Variants in SEMA3B observed in about 807,000 individuals in gnomAD.
SEMA3B encodes the protein semaphorin-3B.
SEMA3B carries 71 observed loss-of-function variants against 77.8 expected under a neutral mutation model. That is an observed-to-expected ratio of 0.91 (90% CI 0.75 to 1.11). The LOEUF is 1.11. Ranked by LOEUF, SEMA3B falls within the 50% of genes most tolerant of loss-of-function variation. The pLI, the probability that SEMA3B is intolerant of heterozygous loss-of-function variation, is 0.00. For missense variants in SEMA3B, 968 were observed against 1,056.8 expected (o/e 0.92, Z 1.17); for synonymous variants, 470 against 452.9 (o/e 1.04, Z -0.48).
rs1238162360 is a variant in SEMA3B, at chr3:50,276,655, C to A, written c.2199C>A (p.His733Gln). ...GAAAGGGCCGTAACCGGAGGACCCA[C>A]GCCCCTGAGCCTCGCGCTGAGCGGG... ...SRRKGRNRRT[H>Q]APEPRAERGP... Residue 733 changes from histidine (H) to glutamine (Q), a missense_variant, in exon 17 of 17, where the codon CAC (histidine) becomes CAA (glutamine). His to Gln is a conservative substitution (Grantham distance 24). Coordinates refer to ENST00000616701, the MANE Select transcript of SEMA3B (RefSeq NM_001290060.2). The surrounding 1 kb of genome is among the most constrained non-coding windows in gnomAD (Gnocchi z 5.8). The A allele has an allele frequency of 5.0e-6, 8 of 1,586,766 alleles. 1 individual carries two copies. The African/African-American group carries it at 9.5e-5, about 19-fold the overall frequency.
chr3:50,275,433 C>T lies in SEMA3B; in HGVS notation c.1623C>T (p.Cys541=), dbSNP rs782054798. 3 of 1,605,386 alleles carry T rather than the reference C, an allele frequency of 1.9e-6. No homozygotes were observed. Among genetic ancestry groups the T allele is most frequent in the South Asian group, 2.2e-5 (2 of 90,370 alleles). The change falls in exon 14 of 17, where the codon TGC becomes TGT. Residue 541 remains cysteine (C), a synonymous_variant. Transcript: ENST00000616701. The surrounding 1 kb of genome is among the most constrained non-coding windows in gnomAD (Gnocchi z 7.5). Reference sequence around the variant, plus strand: ...ACTGCGCCTGGGACGGGGTCGCGTGCACGCGCTTCCAGCCCAGTGCCAAGA... The same window carrying T: ...ACTGCGCCTGGGACGGGGTCGCGTGTACGCGCTTCCAGCCCAGTGCCAAGA... ...DPYCAWDGVA[C]TRFQPSAKRR...
chr3:50,269,180 G>T lies in SEMA3B; in HGVS notation c.-61G>T. On this transcript the variant is annotated 5_prime_UTR_variant, in exon 1 of 17. Coordinates refer to ENST00000616701, the MANE Select transcript of SEMA3B (RefSeq NM_001290060.2). This position sits in a 1 kb window ranked among gnomAD's most constrained non-coding sequence, Gnocchi z 4.0. ...TTCCAGATCCTGGGGCAGAGTCCAG[G>T]GCAGCTCAAGGCTCCTCCACACACA... 1 of 1,244,010 alleles carries T rather than the reference G, an allele frequency of 8.0e-7. No homozygotes were observed. The highest frequency in any genetic ancestry group is 1.3e-5 in the South Asian group (1 of 77,866). 77.1% of individuals were successfully genotyped at this position (1,244,010 alleles called of 1,614,324 possible). A position where few individuals can be genotyped will look rare whatever the true frequency, so the allele number is the denominator to read the frequency against.
rs1701249777 is a variant in SEMA3B at position 50,276,424 on chromosome 3, T to G, written c.1968T>G (p.Arg656=). The change falls in exon 17 of 17, where the codon CGT becomes CGG. Residue 656 remains arginine, a synonymous_variant. Transcript: ENST00000616701. The surrounding 1 kb of genome is among the most constrained non-coding windows in gnomAD (Gnocchi z 5.8). ...AVEQGFTQPL[R]RLSLHVLSAT... Reference sequence around the variant, plus strand: ...AGCAGGGCTTTACGCAACCGCTGCGTCGCCTGTCGCTGCACGTGTTGAGTG... The same window carrying G: ...AGCAGGGCTTTACGCAACCGCTGCGGCGCCTGTCGCTGCACGTGTTGAGTG... 1 of 1,536,296 alleles carries G rather than the reference T, an allele frequency of 6.5e-7. No homozygotes were observed. Among genetic ancestry groups the G allele is most frequent in the African/African-American group, 1.4e-5 (1 of 72,862 alleles).
rs1470747626 is a variant in SEMA3B at position 50,273,896 on chromosome 3, C to T, written c.993-17C>T. The stretch of plus-strand genomic sequence containing the variant: ...GCTCCACCCGGCCCCTCACCTCGCC[C>T]TGGTCTTCGCCTCCAGCAGCATCTT... On this transcript the variant is annotated splice_polypyrimidine_tract_variant and intron_variant, in intron 9 of 16. Coordinates refer to ENST00000616701, the MANE Select transcript of SEMA3B (RefSeq NM_001290060.2). The surrounding 1 kb of genome is among the most constrained non-coding windows in gnomAD (Gnocchi z 6.5). 39 of 1,591,306 alleles carry T rather than the reference C, an allele frequency of 2.5e-5. 3 individuals carry two copies.
In SEMA3B at chr3:50,270,022, G is replaced by A; in HGVS notation, c.110-105G>A. The A allele has an allele frequency of 2.4e-6, 3 of 1,260,322 alleles. No individual in the cohort carries two copies. Among genetic ancestry groups the A allele is most frequent in the Non-Finnish European group, 3.2e-6 (3 of 935,998 alleles). 78.1% of individuals were successfully genotyped at this position (1,260,322 alleles called of 1,614,324 possible). Reference sequence around the variant, plus strand: ...CACATGTAAACTCACATGTGTACAGGCCAGGTCCTAATGGCAACCTTGGCC... The same window carrying A: ...CACATGTAAACTCACATGTGTACAGACCAGGTCCTAATGGCAACCTTGGCC... On this transcript the variant is annotated intron_variant, in intron 1 of 16. Transcript: ENST00000616701. This position sits in a 1 kb window ranked among gnomAD's most constrained non-coding sequence, Gnocchi z 4.7.
At chr3:50,271,618 A>G in intron 6 of SEMA3B, 138 bp downstream of exon 6, 1 of 1,239,584 alleles carries the variant, frequency 8.1e-7, no homozygotes, top group East Asian at 2.6e-5. Flanking sequence ...CACTGGCGTC[A>G]CAGAGACAGA....
In SEMA3B at chr3:50,270,281, G is replaced by A. The variant is rs587698730; in HGVS notation, c.264G>A (p.Lys88=). 4 of 1,613,358 alleles carry A rather than the reference G, an allele frequency of 2.5e-6. No individual in the cohort carries two copies. The highest frequency in any genetic ancestry group is 1.7e-5 in the Admixed American group (1 of 59,968). ...LNLDNISKRA[K]KLAWPAPVEW... is the part of the protein sequence containing the mutation. Reference sequence around the variant, plus strand: ...TGGACAACATCAGCAAGCGGGCCAAGAAGGTGCCAGGGACTCCCAACCCCA... The same window carrying A: ...TGGACAACATCAGCAAGCGGGCCAAAAAGGTGCCAGGGACTCCCAACCCCA... The change falls in exon 2 of 17, where the codon AAG becomes AAA. Residue 88 remains lysine, a synonymous_variant. Transcript: ENST00000616701. This position sits in a 1 kb window ranked among gnomAD's most constrained non-coding sequence, Gnocchi z 4.7.
rs1553706618 is a variant in SEMA3B at position 50,276,053 on chromosome 3, C to T, written c.1845+209C>T. The stretch of plus-strand genomic sequence containing the variant: ...CCTCCCCTGAATCAAGGAGAAGACC[C>T]GCCCTCGACCCTCCCATTAAGGTCC... On this transcript the variant is annotated intron_variant, in intron 16 of 16. Coordinates refer to ENST00000616701, the MANE Select transcript of SEMA3B (RefSeq NM_001290060.2). The surrounding 1 kb of genome is among the most constrained non-coding windows in gnomAD (Gnocchi z 5.8). 3 of 819,338 alleles carry T rather than the reference C, an allele frequency of 3.7e-6. No homozygotes were observed. The highest frequency in any genetic ancestry group is 3.1e-5 in the Admixed American group (1 of 32,204). 50.8% of individuals were successfully genotyped at this position (819,338 alleles called of 1,614,324 possible).
upstream of SEMA3B, among the ~76,000 whole-genome samples, chr3:50,264,761 G>C (rs1453781139): frequency 6.6e-6 from 1 of 152,190 alleles, no homozygotes; most frequent in African/African-American, 2.4e-5. Context: ...GAGGAGGGAG[G>C]GAGAGGGAGG....
chr3:50,271,154 A>C lies in SEMA3B; in HGVS notation c.517A>C (p.Arg173=). 6.3e-7 allele frequency: 1 copy of C among 1,581,940 alleles called. No homozygotes were observed. Among genetic ancestry groups the C allele is most frequent in the African/African-American group, 1.3e-5 (1 of 74,390 alleles). Residue 173 remains arginine (R), a synonymous_variant, in exon 5 of 17, where the codon AGG becomes CGG. Transcript: ENST00000616701. The part of the protein sequence containing the change: ...DGKGKSPYDP[R]HRAASVLVGE... ...CAAGGGGAAGAGTCCTTATGACCCC[A>C]GGCATCGGGCTGCCTCCGTGCTGGT...
Position 50,275,784 on chromosome 3 carries a change from C to T in SEMA3B, c.1785C>T (p.Arg595=). The change falls in exon 16 of 17, where the codon CGC becomes CGT. Residue 595 remains arginine (R), a synonymous_variant. Coordinates refer to ENST00000616701, the MANE Select transcript of SEMA3B (RefSeq NM_001290060.2). The surrounding 1 kb of genome is among the most constrained non-coding windows in gnomAD (Gnocchi z 7.5). ...GSSAFLECEP[R]SLQARVEWTF... The stretch of plus-strand genomic sequence containing the variant: ...GCGCCTTTCTGGAGTGTGAGCCCCG[C>T]TCGCTGCAGGCGCGCGTGGAGTGGA... The T allele has an allele frequency of 6.2e-7, 1 of 1,612,666 alleles. No homozygotes were observed. The highest frequency in any genetic ancestry group is 1.3e-5 in the African/African-American group (1 of 75,042).
chr3:50,266,509 C>T (rs587600836), upstream of SEMA3B: 1 of 152,430 alleles, frequency 6.6e-6, no homozygotes, highest in Non-Finnish European at 1.5e-5. Flanking sequence ...CCCCCCACCT[C>T]TGTCCTTGCT....
chr3:50,269,485 T>C lies in SEMA3B; in HGVS notation c.109+136T>C. 1 of 602,644 alleles carries C rather than the reference T, an allele frequency of 1.7e-6. No individual in the cohort carries two copies. Among genetic ancestry groups the C allele is most frequent in the Non-Finnish European group, 2.9e-6 (1 of 346,444 alleles). The allele number at this position is 602,644 out of a possible 1,614,324, so 37.3% of individuals were successfully genotyped here. A position where few individuals can be genotyped will look rare whatever the true frequency, so the allele number is the denominator to read the frequency against. ...AGACTCTGGTAGGATTAGTGGGCAC[T>C]CTCAGGCCACCTCCAGTTAACCCTG... On this transcript the variant is annotated intron_variant, in intron 1 of 16. Coordinates refer to ENST00000616701, the MANE Select transcript of SEMA3B (RefSeq NM_001290060.2). This position sits in a 1 kb window ranked among gnomAD's most constrained non-coding sequence, Gnocchi z 4.0.
chr3:50,273,782 C>G lies in SEMA3B; in HGVS notation c.946C>G (p.Arg316Gly), dbSNP rs1553705892. The change falls in exon 9 of 17, where the codon CGG (arginine) becomes GGG (glycine). Residue 316 changes from arginine to glycine, a missense_variant. Physicochemically the swap from Arg to Gly is moderately radical, Grantham distance 125. Transcript: ENST00000616701. This position sits in a 1 kb window ranked among gnomAD's most constrained non-coding sequence, Gnocchi z 6.5. ...AGAGGATGTGTTTCTGTTGTCCTCG[C>G]GGGACCACCGGACCCCGCTGCTCTA... The part of the protein sequence containing the change: ...QLQDVFLLSS[R>G]DHRTPLLYAV... The G allele has an allele frequency of 6.3e-7, 1 of 1,593,896 alleles. No homozygotes were observed. The highest frequency in any genetic ancestry group is 1.1e-5 in the South Asian group (1 of 89,076).
upstream of SEMA3B, among the ~76,000 whole-genome samples, chr3:50,264,168 C>T (rs1700865921): frequency 6.6e-6 from 1 of 151,998 alleles, no homozygotes; most frequent in Non-Finnish European, 1.5e-5. Context: ...CATGATCCCA[C>T]CACTGCACTC....
Position 50,275,936 on chromosome 3 carries a change from C to T in SEMA3B, c.1845+92C>T. ...CCTACCCAACGAAGCCCCGTCCAAC[C>T]AGACCCACTCCCCGCCCTGTCCAGT... is the stretch of plus-strand genomic sequence containing the variant. On this transcript the variant is annotated intron_variant, in intron 16 of 16. Coordinates refer to ENST00000616701, the MANE Select transcript of SEMA3B (RefSeq NM_001290060.2). This position sits in a 1 kb window ranked among gnomAD's most constrained non-coding sequence, Gnocchi z 7.5. 2 of 1,435,940 alleles carry T rather than the reference C, an allele frequency of 1.4e-6. No individual in the cohort carries two copies. Among genetic ancestry groups the T allele is most frequent in the Non-Finnish European group, 1.8e-6 (2 of 1,087,500 alleles). The allele number at this position is 1,435,940 out of a possible 1,614,324, so 88.9% of individuals were successfully genotyped here. A position where few individuals can be genotyped will look rare whatever the true frequency, so the allele number is the denominator to read the frequency against.
At position 50,274,919 on chromosome 3, in the gene SEMA3B, G is replaced by C; in HGVS notation, c.1434G>C (p.Glu478Asp). Residue 478 changes from glutamate (E) to aspartate (D), a missense_variant, in exon 12 of 17, where the codon GAG becomes GAC. Transcript: ENST00000616701. This position sits in a 1 kb window ranked among gnomAD's most constrained non-coding sequence, Gnocchi z 4.7. ...GCGCAGAGGGGCTGCTCCTGGAGGA[G>C]CTGCACGTGTTTGAGGTGAGGCCTC... ...RPSAEGLLLEELHVFEDSAAV... is the reference protein window; with the variant it reads ...RPSAEGLLLEDLHVFEDSAAV... 6.2e-7 allele frequency: 1 copy of C among 1,609,976 alleles called. No homozygotes were observed. The highest frequency in any genetic ancestry group is 8.5e-7 in the Non-Finnish European group (1 of 1,179,420).
At position 50,271,101 on chromosome 3, in the gene SEMA3B, G is replaced by A. The variant is rs782306218; in HGVS notation, c.464G>A (p.Arg155Gln). 3.5e-5 allele frequency: 55 copies of A among 1,581,664 alleles called. No homozygotes were observed. The highest frequency in any genetic ancestry group is 4.4e-5 in the Non-Finnish European group (51 of 1,163,934). The change falls in exon 5 of 17, where the codon CGG becomes CAG. Residue 155 changes from arginine (R) to glutamine (Q), a missense_variant. Physicochemically the swap from Arg to Gln is conservative, Grantham distance 43. Transcript: ENST00000616701. ...VGHRAEEPVL[R>Q]LDPGRIEDGK... ...CACACCTCCCAGGAGCCCGTCCTCC[G>A]GCTGGACCCAGGAAGGATAGAGGAT...
Position 50,274,454 on chromosome 3 carries a change from A to T in SEMA3B, c.1229A>T (p.Asn410Ile). The T allele has an allele frequency of 6.5e-7, 1 of 1,541,278 alleles. No individual in the cohort carries two copies. The highest frequency in any genetic ancestry group is 8.7e-7 in the Non-Finnish European group (1 of 1,145,890). The change falls in exon 11 of 17, where the codon AAC (asparagine) becomes ATC (isoleucine). Residue 410 changes from asparagine (N) to isoleucine (I), a missense_variant. Coordinates refer to ENST00000616701, the MANE Select transcript of SEMA3B (RefSeq NM_001290060.2). The surrounding 1 kb of genome is among the most constrained non-coding windows in gnomAD (Gnocchi z 4.7). ...GCGCGGAACCACCCCCTCATGTACA[A>T]CTCTGTCCTGCCCACTGGGGGGCGC... is the stretch of plus-strand genomic sequence containing the variant. ...QFARNHPLMYNSVLPTGGRPL... is the reference protein window; with the variant it reads ...QFARNHPLMYISVLPTGGRPL...
Sources: gnomAD v4.1 joint callset for allele counts (sites outside exome capture counted in the v4.1 genomes callset) on GRCh38, gnomAD v4.1.1 for gene constraint, Gnocchi (gnomAD v3.1) non-coding constraint, MANE v1.5 for transcripts, NCBI Gene and HGNC (gene_info 2026-07-23, HGNC 2026-07-21) for gene names.